The following LPIN1 variants were observed in gnomAD, a reference collection of about 807,000 sequenced individuals.
LPIN1 encodes lipin 1, also known as phosphatidate phosphatase LPIN1.
LPIN1 carries 71 observed loss-of-function variants against 107.5 expected under a neutral mutation model. The observed-to-expected ratio is 0.66, with a 90% CI of 0.55 to 0.80. The LOEUF (loss-of-function observed/expected upper bound fraction) is 0.80, where lower values mean the gene tolerates loss of function less well. LPIN1 is among the 30% of genes least tolerant of loss of function. LPIN1 has a pLI of 0.00. For synonymous variants in LPIN1, 445 were observed against 452.6 expected, an observed-to-expected ratio of 0.98 and a Z score of 0.21; for missense variants, 1,043 against 1,160.6, an observed-to-expected ratio of 0.90 and a Z score of 1.47.
chr2:11,784,852 C>A, intron 9 of LPIN1, 34 bp from the exon 10 acceptor site: 1 of 1,610,152 alleles, frequency 6.2e-7, no homozygotes, highest in Non-Finnish European at 8.5e-7. Flanking sequence ...TGGGACAGTC[C>A]TCAGCCGGTC....
At chr2:11,777,541 T>A (rs1370670640) in intron 6 of LPIN1, 2 of 152,184 alleles carry the variant, frequency 1.3e-5, no homozygotes, top group East Asian at 3.9e-4. Context: ...GCACGGCCCA[T>A]GGGTCAAATC....
At chr2:11,687,096 C>A (rs1309998302) in intron 1 of LPIN1, among the ~76,000 whole-genome samples, 1 of 146,198 alleles carries the variant, frequency 6.8e-6, no homozygotes. Context: ...TTCCTGGGCT[C>A]AAGTGGTCCT....
At chr2:11,709,401 C>A (rs1285889955) in intron 1 of LPIN1, among the ~76,000 whole-genome samples, 1 of 152,232 alleles carries the variant, frequency 6.6e-6, no homozygotes, top group Non-Finnish European at 1.5e-5. Flanking sequence ...CTTGTCGATG[C>A]CTTGCAACAA....
At chr2:11,727,742 C>G (rs1001660537) in intron 1 of LPIN1, among the ~76,000 whole-genome samples, 1 of 152,202 alleles carries the variant, frequency 6.6e-6, no homozygotes, top group African/African-American at 2.4e-5. Context: ...TTATTTGCAA[C>G]TTCTTTCTCC....
intron 6 of LPIN1, chr2:11,777,269 C>T (rs573877048): frequency 8.4e-4 from 128 of 152,270 alleles, no homozygotes; most frequent in African/African-American, 3.0e-3. Context: ...TGTTTGTGCA[C>T]GAGACCTTTG....
rs949740699 is a variant in LPIN1, at chr2:11,827,149, A to G, written c.*2358A>G. On this transcript the variant is annotated 3_prime_UTR_variant, in exon 21 of 21. Coordinates refer to ENST00000674199, the MANE Select transcript of LPIN1 (RefSeq NM_001349206.2). This position sits in a 1 kb window ranked among gnomAD's most constrained non-coding sequence, Gnocchi z 4.1. ...AGTCATCAAATGTTTGTCACATGTGATGAAGACAAATATGTATACCTGGCA... is the reference window on the plus strand; with the variant it reads ...AGTCATCAAATGTTTGTCACATGTGGTGAAGACAAATATGTATACCTGGCA... The G allele has an allele frequency of 9.8e-5, 15 of 152,698 alleles. No individual in the cohort carries two copies. The highest frequency in any genetic ancestry group is 3.6e-4 in the African/African-American group (15 of 41,468). 9.5% of individuals were successfully genotyped at this position (152,698 alleles called of 1,614,324 possible). A position where few individuals can be genotyped will look rare whatever the true frequency, so the allele number is the denominator to read the frequency against.
intron 1 of LPIN1, among the ~76,000 whole-genome samples, chr2:11,738,915 A>G (rs1200652281): frequency 6.6e-6 from 1 of 152,192 alleles, no homozygotes; most frequent in Admixed American, 6.5e-5. Context: ...TCCAGAAATC[A>G]CTCAGGCCTG....
intron 14 of LPIN1, among the ~76,000 whole-genome samples, chr2:11,798,275 C>G (rs1465399376): frequency 6.6e-6 from 1 of 152,104 alleles, no homozygotes; most frequent in Non-Finnish European, 1.5e-5. Flanking sequence ...AGTCTTAGAC[C>G]TAGGGGAAGA....
chr2:11,763,689 G>T (rs1294209009), intron 1 of LPIN1, among the ~76,000 whole-genome samples: 1 of 151,998 alleles, frequency 6.6e-6, no homozygotes, highest in Non-Finnish European at 1.5e-5. Context: ...AGCAGAGCCC[G>T]CATCTCCTGG....
At chr2:11,807,738 G>A (rs897294664) in intron 17 of LPIN1, among the ~76,000 whole-genome samples, 111 of 152,274 alleles carry the variant, frequency 7.3e-4, no homozygotes, top group African/African-American at 2.5e-3. Flanking sequence ...TTGGATATGT[G>A]TGTTGTCCGC....
At chr2:11,822,852 G>C (rs568809752) in intron 20 of LPIN1, among the ~76,000 whole-genome samples, 1 of 152,362 alleles carries the variant, frequency 6.6e-6, no homozygotes, top group East Asian at 1.9e-4. Flanking sequence ...GGCCTCTGCG[G>C]TCATTGCATT....
intron 1 of LPIN1, among the ~76,000 whole-genome samples, chr2:11,685,159 G>A (rs1291824831): frequency 6.6e-6 from 1 of 152,230 alleles, no homozygotes; most frequent in Non-Finnish European, 1.5e-5. Context: ...ACTTGAAGGA[G>A]CTGAGGAGTG....
chr2:11,713,607 G>T, intron 1 of LPIN1: 3 of 526,476 alleles, frequency 5.7e-6, no homozygotes, highest in East Asian at 3.0e-5. Context: ...TTTTTTAATT[G>T]GCATATAGCC....
rs1232344079 is a variant in LPIN1, at chr2:11,804,446, C to A, written c.2037C>A (p.Gly679=). 6.2e-7 allele frequency: 1 copy of A among 1,614,208 alleles called. No homozygotes were observed. Among genetic ancestry groups the A allele is most frequent in the Admixed American group, 1.7e-5 (1 of 60,026 alleles). The change falls in exon 16 of 21, where the codon GGC becomes GGA. Residue 679 remains glycine, a synonymous_variant. Transcript: ENST00000674199. ...AGAAAAGCTTGAAGTTGAAGAATGG[C>A]CCCAACGACGTGGTTTTCAGTGTCA... ...EQLKSLKLKN[G]PNDVVFSVTT...
rs759614820 is a variant in LPIN1, at chr2:11,820,426, A to G, written c.2533A>G (p.Lys845Glu). 1.6e-5 allele frequency: 26 copies of G among 1,610,360 alleles called. No individual in the cohort carries two copies. Among genetic ancestry groups the G allele is most frequent in the Non-Finnish European group, 2.2e-5 (26 of 1,176,654 alleles). ...GNRPADVYSYKQVGVSLNRIF... is the reference protein window; with the variant it reads ...GNRPADVYSYEQVGVSLNRIF... ...CCAAATATAGGATGTGTATTCATAC[A>G]AGCAAGTAGGAGTGTCTTTGAATAG... The change falls in exon 20 of 21, where the codon AAG (lysine) becomes GAG (glutamate). Residue 845 changes from lysine (K) to glutamate (E), a missense_variant. Physicochemically the swap from Lys to Glu is moderately conservative, Grantham distance 56. Coordinates refer to ENST00000674199, the MANE Select transcript of LPIN1 (RefSeq NM_001349206.2).
intron 13 of LPIN1, chr2:11,792,289 A>G: frequency 3.0e-6 from 1 of 330,940 alleles, no homozygotes; most frequent in Non-Finnish European, 5.7e-6. Flanking sequence ...TCTATAAAAG[A>G]AGGGATTCAG....
chr2:11,729,806 A>G (rs1665011208), intron 1 of LPIN1, among the ~76,000 whole-genome samples: 1 of 152,122 alleles, frequency 6.6e-6, no homozygotes, highest in African/African-American at 2.4e-5. Context: ...TTTAATTTCA[A>G]ATATAAAATT....
upstream of LPIN1, among the ~76,000 whole-genome samples, chr2:11,743,554 G>A (rs1666580550): frequency 6.6e-6 from 1 of 152,148 alleles, no homozygotes; most frequent in South Asian, 2.1e-4. This position sits in a 1 kb window ranked among gnomAD's most constrained non-coding sequence, Gnocchi z 4.7. Context: ...AGAGTGCGCA[G>A]GACAAAGTCA....
At chr2:11,699,654 C>T (rs1405978369) in intron 1 of LPIN1, among the ~76,000 whole-genome samples, 1 of 152,158 alleles carries the variant, frequency 6.6e-6, no homozygotes, top group African/African-American at 2.4e-5. Context: ...GCCAGCCACT[C>T]ACTGTTTCCT....
Sources: allele counts gnomAD v4.1 joint callset (sites outside exome capture counted in the v4.1 genomes callset), GRCh38; gene constraint gnomAD v4.1.1; non-coding constraint Gnocchi (gnomAD v3.1); transcripts MANE v1.5; gene names NCBI Gene and HGNC (gene_info 2026-07-23, HGNC 2026-07-21).